ABCG2: variants seen among roughly 807,000 people sequenced by gnomAD.
The protein encoded by ABCG2 is broad substrate specificity ATP-binding cassette transporter ABCG2.
A neutral mutation model predicts 73.5 loss-of-function variants in ABCG2; 80 were observed. The ratio of observed to expected loss-of-function variants is 1.09; its 90% CI spans 0.91 to 1.31. The LOEUF is 1.31. ABCG2 is among the 50% of genes most tolerant of loss of function. The probability of loss-of-function intolerance (pLI) is 0.00; values close to 1 mark genes in which losing one functional copy is unlikely to be tolerated. For missense variants in ABCG2, 796 were observed against 786.2 expected (o/e 1.01, Z -0.15); for synonymous variants, 269 against 282.4 (o/e 0.95, Z 0.48).
chr4:88,109,216 T>G (rs754061370), intron 9 of ABCG2, among the ~76,000 whole-genome samples: 6 of 152,040 alleles, frequency 3.9e-5, no homozygotes, highest in Non-Finnish European at 7.4e-5. Context: ...GCCAGGCTGG[T>G]CTCGAACTCC....
rs1275356315 is a variant in ABCG2, at chr4:88,132,580, AT to A, written c.258del (p.Lys86AsnfsTer5). 2.5e-6 allele frequency: 4 copies of A among 1,614,042 alleles called. No individual in the cohort carries two copies. Among genetic ancestry groups the A allele is most frequent in the Non-Finnish European group, 3.4e-6 (4 of 1,180,024 alleles). On this transcript the variant is annotated frameshift_variant, in exon 3 of 16. Transcript: ENST00000237612. LOFTEE classifies it high-confidence loss of function. The part of the protein sequence containing the change: ...NAILGPTGGG[K>X]SSLLDVLAAR... ...CTTATACTCTCTTATACTCACGAAG[AT>A]TTGCCTCCACCTGTGGGTCCCAGGA...
chr4:88,146,309 C>G (rs1167823695), intron 1 of ABCG2, among the ~76,000 whole-genome samples: 1 of 144,564 alleles, frequency 6.9e-6, no homozygotes, highest in Non-Finnish European at 1.5e-5. Flanking sequence ...GTTAATATGA[C>G]CAAAAAAAAA....
intron 10 of ABCG2, 61 bp from the exon 11 acceptor site, chr4:88,101,380 T>C: frequency 7.0e-7 from 1 of 1,433,700 alleles, no homozygotes; most frequent in Non-Finnish European, 9.8e-7. Flanking sequence ...ACAGATTTTC[T>C]ACCCACAAAA....
Position 88,131,164 on chromosome 4 carries a change from G to A in ABCG2, c.428C>T (p.Ser143Leu), listed in dbSNP as rs1724841605. The stretch of plus-strand genomic sequence containing the variant: ...AGTTGTTGCAAGCCGAAGAGCTGCT[G>A]AGAACTGTAAGTTTTCTCTCACCGT... ...TLTVRENLQFSAALRLATTMT... is the reference protein window; with the variant it reads ...TLTVRENLQFLAALRLATTMT... The change falls in exon 5 of 16, where the codon TCA (serine) becomes TTA (leucine). Residue 143 changes from serine to leucine, a missense_variant. Transcript: ENST00000237612. 1 of 1,614,022 alleles carries A rather than the reference G, an allele frequency of 6.2e-7. No homozygotes were observed. Among genetic ancestry groups the A allele is most frequent in the Non-Finnish European group, 8.5e-7 (1 of 1,179,980 alleles).
chr4:88,130,979 A>G, intron 5 of ABCG2, 82 bp downstream of exon 5: 4 of 1,497,250 alleles, frequency 2.7e-6, no homozygotes, highest in Non-Finnish European at 3.6e-6. Context: ...ATTACAGGAA[A>G]CTTCTGAATC....
intron 1 of ABCG2, among the ~76,000 whole-genome samples, chr4:88,152,405 G>A (rs1175715800): frequency 2.6e-5 from 4 of 152,068 alleles, no homozygotes; most frequent in East Asian, 1.9e-4. Flanking sequence ...GGATGCAGGC[G>A]GGCTGAGTCC....
At chr4:88,129,198 T>C (rs1724660085) in intron 5 of ABCG2, among the ~76,000 whole-genome samples, 1 of 152,128 alleles carries the variant, frequency 6.6e-6, no homozygotes. Context: ...CCTTTTCAAT[T>C]ACCATGAGGC....
intron 1 of ABCG2, among the ~76,000 whole-genome samples, chr4:88,208,392 C>A (rs1729461566): frequency 6.6e-6 from 1 of 152,192 alleles, no homozygotes; most frequent in Admixed American, 6.5e-5. Context: ...CCACACAGAG[C>A]ACACACTTCC....
At chr4:88,140,726 T>C (rs1725580796) in intron 1 of ABCG2, among the ~76,000 whole-genome samples, 1 of 152,208 alleles carries the variant, frequency 6.6e-6, no homozygotes. Context: ...ACAGGAGACA[T>C]TTCTCTGAAT....
chr4:88,139,844 C>G lies in ABCG2; in HGVS notation c.152G>C (p.Gly51Ala), dbSNP rs1436625518. 6.2e-7 allele frequency: 1 copy of G among 1,614,148 alleles called. No individual in the cohort carries two copies. The highest frequency in any genetic ancestry group is 1.7e-5 in the Admixed American group (1 of 60,016). ...NICYRVKLKS[G>A]FLPCRKPVEK... ...AACTGGTTTTCGACAAGGTAGAAAG[C>G]CACTCTTCAGTTTTACTCGATAGCA... The change falls in exon 2 of 16, where the codon GGC becomes GCC. Residue 51 changes from glycine to alanine, a missense_variant. Physicochemically the swap from Gly to Ala is moderately conservative, Grantham distance 60. Coordinates refer to ENST00000237612, the MANE Select transcript of ABCG2 (RefSeq NM_004827.3).
chr4:88,147,059 A>C (rs1726095576), intron 1 of ABCG2, among the ~76,000 whole-genome samples: 1 of 151,690 alleles, frequency 6.6e-6, no homozygotes, highest in South Asian at 2.1e-4. Flanking sequence ...AGAAAGGTAA[A>C]GGAAAGGAAA....
At chr4:88,227,848 C>A (rs542641863) in intron 1 of ABCG2, among the ~76,000 whole-genome samples, 1 of 152,120 alleles carries the variant, frequency 6.6e-6, no homozygotes, top group East Asian at 1.9e-4. Context: ...TTGTACAGAC[C>A]AAGAGGTCAT....
chr4:88,146,995 A>G, intron 1 of ABCG2, among the ~76,000 whole-genome samples: 1 of 150,024 alleles, frequency 6.7e-6, no homozygotes. Context: ...AAAAAGAAAG[A>G]AAGAAGAAAG....
chr4:88,132,378 T>A (rs1724952223), intron 3 of ABCG2, among the ~76,000 whole-genome samples, 198 bp downstream of exon 3: 1 of 152,130 alleles, frequency 6.6e-6, no homozygotes, highest in Admixed American at 6.5e-5. Flanking sequence ...TCAAATCCTA[T>A]TAGTAAAGCT....
rs77362383 is a variant in ABCG2 at position 88,171,011 on chromosome 4, C to T, written c.-19-30997G>A. Reference sequence around the variant, plus strand: ...GAGACTATTATCCTTAGTAAACTAACGCAGGAACAGAAAACCAAATATCAC... The same window carrying T: ...GAGACTATTATCCTTAGTAAACTAATGCAGGAACAGAAAACCAAATATCAC... On this transcript the variant is annotated intron_variant, in intron 1 of 15. Transcript: ENST00000515655. Among the ~76,000 whole-genome samples, 3 of 151,972 alleles carry T rather than the reference C, an allele frequency of 2.0e-5. No individual in the cohort carries two copies. The East Asian group carries it at 5.8e-4, about 29-fold the overall frequency.
intron 1 of ABCG2, among the ~76,000 whole-genome samples, chr4:88,212,043 TACAC>T (rs1729621563): frequency 6.6e-6 from 1 of 152,180 alleles, no homozygotes; most frequent in Admixed American, 6.6e-5. Flanking sequence ...TGTCCCAATT[TACAC>T]ATACCGCCCC....
At chr4:88,108,814 A>G (rs1233956995) in intron 9 of ABCG2, among the ~76,000 whole-genome samples, 1 of 152,166 alleles carries the variant, frequency 6.6e-6, no homozygotes, top group African/African-American at 2.4e-5. Context: ...GCTGTCTTTT[A>G]AAATTCACTT....
At chr4:88,097,064 A>G (rs1368299475) in intron 13 of ABCG2, among the ~76,000 whole-genome samples, 1 of 152,184 alleles carries the variant, frequency 6.6e-6, no homozygotes, top group Non-Finnish European at 1.5e-5. Context: ...AAAATAAACT[A>G]GCAGTTCTCT....
chr4:88,128,520 C>A (rs1228033143), intron 5 of ABCG2, among the ~76,000 whole-genome samples: 1 of 152,132 alleles, frequency 6.6e-6, no homozygotes, highest in Non-Finnish European at 1.5e-5. Flanking sequence ...TTGGAACCAA[C>A]CCAAATGCCC....
Sources: gnomAD v4.1 joint callset for allele counts (sites outside exome capture counted in the v4.1 genomes callset) on GRCh38, gnomAD v4.1.1 for gene constraint, MANE v1.5 for transcripts, NCBI Gene and HGNC (gene_info 2026-07-23, HGNC 2026-07-21) for gene names.